Variants in APBB1IP observed in about 807,000 individuals in gnomAD.
The protein encoded by APBB1IP is amyloid beta precursor protein binding family B member 1 interacting protein, also known as amyloid beta A4 precursor protein-binding family B member 1-interacting protein.
APBB1IP carries 27 observed loss-of-function variants against 64.9 expected under a neutral mutation model. That is an observed-to-expected ratio of 0.42 (90% CI 0.31 to 0.57). The LOEUF is 0.57. APBB1IP is among the 20% of genes least tolerant of loss of function. The pLI, the probability that APBB1IP is intolerant of heterozygous loss-of-function variation, is 0.20. For missense variants in APBB1IP, 812 were observed against 845.5 expected (o/e 0.96, Z 0.49); for synonymous variants, 392 against 331.0 (o/e 1.18, Z -2.00).
chr10:26,490,204 A>G (rs879297245), intron 2 of APBB1IP, among the ~76,000 whole-genome samples: 3 of 152,240 alleles, frequency 2.0e-5, no homozygotes, highest in Non-Finnish European at 4.4e-5. Flanking sequence ...TAAAGGGTGA[A>G]CTATAAGTTT....
chr10:26,551,636 T>G (rs951991768), intron 11 of APBB1IP, among the ~76,000 whole-genome samples: 4 of 152,220 alleles, frequency 2.6e-5, no homozygotes, highest in Non-Finnish European at 4.4e-5. Context: ...TGGAATGTCA[T>G]GGAAGGAGCG....
At chr10:26,553,156 G>T (rs1398773462) in intron 11 of APBB1IP, among the ~76,000 whole-genome samples, 1 of 151,944 alleles carries the variant, frequency 6.6e-6, no homozygotes, top group Non-Finnish European at 1.5e-5. Context: ...TGAGTAGCTG[G>T]GATTACAGGT....
chr10:26,445,945 G>A (rs1054979640), intron 2 of APBB1IP, among the ~76,000 whole-genome samples: 6 of 152,270 alleles, frequency 3.9e-5, no homozygotes, highest in South Asian at 2.1e-4. Context: ...GGGTAATAAC[G>A]AAATAGTAAT....
At chr10:26,495,301 C>A (rs1167306078) in intron 3 of APBB1IP, among the ~76,000 whole-genome samples, 1 of 151,664 alleles carries the variant, frequency 6.6e-6, no homozygotes, top group East Asian at 2.0e-4. Context: ...CCAATGGCAA[C>A]CACATTTCTT....
At chr10:26,440,406 A>T (rs1385154267) in intron 2 of APBB1IP, among the ~76,000 whole-genome samples, 1 of 152,180 alleles carries the variant, frequency 6.6e-6, no homozygotes, top group Non-Finnish European at 1.5e-5. Flanking sequence ...AATGGAGAAA[A>T]TAATCATAAC....
At chr10:26,462,842 A>T (rs1041442680) in intron 2 of APBB1IP, among the ~76,000 whole-genome samples, 1 of 152,096 alleles carries the variant, frequency 6.6e-6, no homozygotes, top group East Asian at 1.9e-4. Context: ...TTTAATCTCG[A>T]TGCTTCATGC....
intron 6 of APBB1IP, among the ~76,000 whole-genome samples, chr10:26,507,740 G>A (rs1164912703): frequency 6.6e-6 from 1 of 152,194 alleles, no homozygotes; most frequent in Non-Finnish European, 1.5e-5. Context: ...CCTGGATTAT[G>A]TATAAAATAT....
At chr10:26,513,286 GAA>G (rs1836283663) in intron 7 of APBB1IP, among the ~76,000 whole-genome samples, 1 of 152,176 alleles carries the variant, frequency 6.6e-6, no homozygotes, top group Admixed American at 6.5e-5. Context: ...AAGAAAAAAA[GAA>G]ATAAGTGTGA....
intron 9 of APBB1IP, 47 bp from the exon 10 acceptor site, chr10:26,536,027 G>A (rs1836618090): frequency 6.6e-7 from 1 of 1,526,486 alleles, no homozygotes; most frequent in Middle Eastern, 1.8e-4. Flanking sequence ...AAAAATGCGT[G>A]CTTTATCTTT....
chr10:26,492,433 C>CA, intron 3 of APBB1IP, 35 bp downstream of exon 3: 1 of 1,585,828 alleles, frequency 6.3e-7, no homozygotes, highest in Non-Finnish European at 8.6e-7. Context: ...AATTGGAAAA[C>CA]AAAAATAGAG....
chr10:26,531,153 TA>T (rs1229704288), intron 8 of APBB1IP, among the ~76,000 whole-genome samples: 1 of 150,202 alleles, frequency 6.7e-6, no homozygotes, highest in African/African-American at 2.5e-5. Flanking sequence ...TGGCCAACAT[TA>T]AAAAACCCCA....
chr10:26,497,721 A>ATTTTTTTTT (rs895511347), intron 4 of APBB1IP, among the ~76,000 whole-genome samples: 1 of 100,334 alleles, frequency 1.0e-5, no homozygotes, highest in Non-Finnish European at 1.9e-5. Context: ...TGTCCTCTGG[A>ATTTTTTTTT]TTTTTTTTTT....
intron 2 of APBB1IP, among the ~76,000 whole-genome samples, chr10:26,485,828 TG>T (rs1203405648): frequency 1.3e-5 from 2 of 152,204 alleles, no homozygotes; most frequent in African/African-American, 4.8e-5. Context: ...GGATTTTGAA[TG>T]ATCAGTAGGA....
chr10:26,527,514 G>A (rs936417124), intron 8 of APBB1IP, among the ~76,000 whole-genome samples: 2 of 148,912 alleles, frequency 1.3e-5, no homozygotes, highest in African/African-American at 5.0e-5. Flanking sequence ...CTGCACTCCA[G>A]CCTGGGCAAC....
At chr10:26,527,250 GA>G (rs1213181210) in intron 8 of APBB1IP, among the ~76,000 whole-genome samples, 1 of 152,010 alleles carries the variant, frequency 6.6e-6, no homozygotes, top group Non-Finnish European at 1.5e-5. Context: ...ATTGATGCAT[GA>G]AAGGCAACCT....
intron 2 of APBB1IP, among the ~76,000 whole-genome samples, chr10:26,447,580 A>G (rs1835415986): frequency 6.6e-6 from 1 of 152,144 alleles, no homozygotes; most frequent in African/African-American, 2.4e-5. Context: ...GCAACCCAAC[A>G]TATTTGAGTC....
chr10:26,567,644 G>A lies in APBB1IP; in HGVS notation c.*156G>A. 7.2e-7 allele frequency: 1 copy of A among 1,390,676 alleles called. No individual in the cohort carries two copies. The highest frequency in any genetic ancestry group is 9.5e-7 in the Non-Finnish European group (1 of 1,057,806). 86.1% of individuals were successfully genotyped at this position (1,390,676 alleles called of 1,614,324 possible). On this transcript the variant is annotated 3_prime_UTR_variant, in exon 15 of 15. Coordinates refer to ENST00000376236, the MANE Select transcript of APBB1IP (RefSeq NM_019043.4). ...AAGTACAGGCATAACCATTAACCCA[G>A]TAGAGTTCAGAATATCTGCCCAAAT...
intron 8 of APBB1IP, among the ~76,000 whole-genome samples, chr10:26,523,811 A>AG (rs1162624990): frequency 6.6e-6 from 1 of 152,034 alleles, no homozygotes; most frequent in East Asian, 1.9e-4. Context: ...TTTAAAAAAA[A>AG]ATAAAATATA....
chr10:26,445,094 CA>C (rs76980656), intron 2 of APBB1IP, among the ~76,000 whole-genome samples: 53 of 85,272 alleles, frequency 6.2e-4, no homozygotes, highest in African/African-American at 1.1e-3. Context: ...GAGATTCTGT[CA>C]AAAAAAAAAA....
Sources: allele counts gnomAD v4.1 joint callset (sites outside exome capture counted in the v4.1 genomes callset), GRCh38; gene constraint gnomAD v4.1.1; transcripts MANE v1.5; gene names NCBI Gene and HGNC (gene_info 2026-07-23, HGNC 2026-07-21).